PDLIM5: variants seen among roughly 807,000 people sequenced by gnomAD.
PDLIM5 encodes PDZ and LIM domain 5.
A neutral mutation model predicts 64.2 loss-of-function variants in PDLIM5; 34 were observed. That is an observed-to-expected ratio of 0.53 (90% CI 0.40 to 0.71). The LOEUF (loss-of-function observed/expected upper bound fraction) is 0.71, where lower values mean the gene tolerates loss of function less well. Ranked by LOEUF, PDLIM5 falls within the 30% of genes least tolerant of loss-of-function variation. The pLI is 0.00. For synonymous variants in PDLIM5, 253 were observed against 269.1 expected (o/e 0.94, Z 0.59); for missense variants, 683 against 733.6 (o/e 0.93, Z 0.80).
chr4:94,467,714 C>A (rs753060012), intron 2 of PDLIM5, among the ~76,000 whole-genome samples: 2 of 152,154 alleles, frequency 1.3e-5, no homozygotes, highest in African/African-American at 4.8e-5. Context: ...ATATGATAGA[C>A]CCTTACTTCC....
rs376345110 is a variant in PDLIM5, at chr4:94,586,397, T to C, written c.884-11T>C. 7.0e-6 allele frequency: 10 copies of C among 1,438,818 alleles called. No homozygotes were observed. The African/African-American group carries it at 1.3e-4, about 18-fold the overall frequency. The allele number at this position is 1,438,818 out of a possible 1,614,324, so 89.1% of individuals were successfully genotyped here. A position where few individuals can be genotyped will look rare whatever the true frequency, so the allele number is the denominator to read the frequency against. ...ACAAACTAATATTGGATATTGCTTA[T>C]TATATTTCAGTGAAAGAATCTGAAG... On this transcript the variant is annotated splice_polypyrimidine_tract_variant and intron_variant, in intron 6 of 12. Transcript: ENST00000317968.
intron 2 of PDLIM5, among the ~76,000 whole-genome samples, chr4:94,508,766 G>C (rs1314377301): frequency 6.6e-6 from 1 of 152,178 alleles, no homozygotes; most frequent in Non-Finnish European, 1.5e-5. Flanking sequence ...CCTATACTGT[G>C]CTCTTTATCA....
intron 2 of PDLIM5, among the ~76,000 whole-genome samples, chr4:94,496,681 G>A (rs542926540): frequency 1.3e-5 from 2 of 152,146 alleles, no homozygotes; most frequent in Admixed American, 1.3e-4. Flanking sequence ...GTAGAGACAG[G>A]GTTTTACCAT....
At chr4:94,610,927 C>T (rs1738311038) in intron 7 of PDLIM5, 1 of 590,816 alleles carries the variant, frequency 1.7e-6, no homozygotes, top group Admixed American at 2.9e-5. Flanking sequence ...TCCTTTGCTG[C>T]TTTGTGCTTC....
intron 3 of PDLIM5, among the ~76,000 whole-genome samples, chr4:94,555,773 A>C (rs529686044): frequency 2.0e-5 from 3 of 152,020 alleles, no homozygotes; most frequent in African/African-American, 7.2e-5. Flanking sequence ...GATAATTTTC[A>C]TAGATTTCTT....
intron 2 of PDLIM5, among the ~76,000 whole-genome samples, chr4:94,498,756 T>C (rs1162166296): frequency 6.6e-6 from 1 of 152,214 alleles, no homozygotes; most frequent in Non-Finnish European, 1.5e-5. Context: ...TAAGTAAAGT[T>C]TTGAGGGTTT....
chr4:94,662,195 C>A lies in PDLIM5; in HGVS notation c.1586-227C>A, dbSNP rs572166551. ...GAAGTATTACATGGAAAATTATAAT[C>A]AAGAATGTTAGGTTGTATAAATAAT... On this transcript the variant is annotated intron_variant, in intron 11 of 12. Transcript: ENST00000317968. Among the ~76,000 whole-genome samples, 70 of 151,952 alleles carry A rather than the reference C, an allele frequency of 4.6e-4. 1 individual carries two copies. Among genetic ancestry groups the A allele is most frequent in the African/African-American group, 1.3e-3 (56 of 41,502 alleles).
At chr4:94,627,961 C>T (rs752676821) in intron 8 of PDLIM5, among the ~76,000 whole-genome samples, 13 of 152,280 alleles carry the variant, frequency 8.5e-5, no homozygotes, top group South Asian at 2.1e-4. Context: ...AGAATTCTTA[C>T]ATCTAAAACG....
intron 7 of PDLIM5, 30 bp downstream of exon 7, chr4:94,586,474 T>C: frequency 7.3e-7 from 1 of 1,363,592 alleles, no homozygotes; most frequent in Non-Finnish European, 1.0e-6. Flanking sequence ...GACAATTGAA[T>C]GTTTTCCTTT....
intron 2 of PDLIM5, among the ~76,000 whole-genome samples, chr4:94,476,179 C>T (rs1303774393): frequency 1.3e-5 from 2 of 152,098 alleles, no homozygotes; most frequent in Non-Finnish European, 2.9e-5. Flanking sequence ...AAACCTGATT[C>T]TGCCCACACA....
At chr4:94,648,465 C>G (rs777115031) in intron 9 of PDLIM5, among the ~76,000 whole-genome samples, 16 of 152,170 alleles carry the variant, frequency 1.1e-4, no homozygotes, top group Non-Finnish European at 2.2e-4. Flanking sequence ...GGCCACAGGC[C>G]TGCACCACCA....
At chr4:94,658,871 T>A (rs1368718403) in intron 11 of PDLIM5, among the ~76,000 whole-genome samples, 2 of 152,218 alleles carry the variant, frequency 1.3e-5, no homozygotes, top group Admixed American at 1.3e-4. Context: ...CACTTAATTT[T>A]TCTGAAGAAA....
intron 2 of PDLIM5, among the ~76,000 whole-genome samples, chr4:94,491,254 C>T (rs1726846151): frequency 6.6e-6 from 1 of 152,286 alleles, no homozygotes; most frequent in South Asian, 2.1e-4. Context: ...ACTTAACCTT[C>T]TTCTAAGCTT....
chr4:94,651,173 A>G (rs1296226237), intron 9 of PDLIM5, among the ~76,000 whole-genome samples: 1 of 152,224 alleles, frequency 6.6e-6, no homozygotes, highest in African/African-American at 2.4e-5. Context: ...GATTAATTTT[A>G]TTGTTTAATC....
chr4:94,643,284 G>A (rs1271549581), intron 9 of PDLIM5, among the ~76,000 whole-genome samples: 1 of 152,094 alleles, frequency 6.6e-6, no homozygotes, highest in Non-Finnish European at 1.5e-5. Flanking sequence ...GACTAGCTAC[G>A]AATGAATAGG....
intron 11 of PDLIM5, among the ~76,000 whole-genome samples, 200 bp from the exon 12 acceptor site, chr4:94,662,222 T>C (rs1742789487): frequency 7.4e-6 from 1 of 134,266 alleles, no homozygotes; most frequent in Non-Finnish European, 1.7e-5. Flanking sequence ...ATAAATAATA[T>C]TTATACCAAG....
intron 2 of PDLIM5, among the ~76,000 whole-genome samples, chr4:94,466,290 T>C (rs569261648): frequency 1.6e-4 from 25 of 152,312 alleles, no homozygotes; most frequent in African/African-American, 5.5e-4. Context: ...AACCAGAGAA[T>C]AGATCCTAGA....
intron 3 of PDLIM5, among the ~76,000 whole-genome samples, chr4:94,528,635 T>C (rs1337445184): frequency 1.3e-5 from 2 of 152,196 alleles, no homozygotes; most frequent in African/African-American, 4.8e-5. Context: ...TCTTACTATG[T>C]GCCGGGCACT....
intron 8 of PDLIM5, among the ~76,000 whole-genome samples, chr4:94,638,649 C>T (rs748394158): frequency 3.7e-4 from 56 of 152,204 alleles, no homozygotes; most frequent in Non-Finnish European, 5.6e-4. Flanking sequence ...TGTATACACT[C>T]TGTTAATTTG....
Sources: allele counts gnomAD v4.1 joint callset (sites outside exome capture counted in the v4.1 genomes callset), GRCh38; gene constraint gnomAD v4.1.1; transcripts MANE v1.5; gene names NCBI Gene and HGNC (gene_info 2026-07-23, HGNC 2026-07-21).